Variants in FZD4 observed in about 807,000 individuals in gnomAD.
FZD4 encodes the protein frizzled class receptor 4.
Under a neutral mutation model 37.3 loss-of-function variants are expected in FZD4, and 16 were observed. The observed-to-expected ratio is 0.43, with a 90% CI of 0.29 to 0.65. The LOEUF (loss-of-function observed/expected upper bound fraction) is 0.65, where lower values mean the gene tolerates loss of function less well. Among genes scored for constraint, FZD4 ranks in the 30% least tolerant of loss-of-function variants. The probability of loss-of-function intolerance (pLI) is 0.16; values close to 1 mark genes in which losing one functional copy is unlikely to be tolerated. For missense variants in FZD4, 599 were observed against 674.3 expected (o/e 0.89, Z 1.24); for synonymous variants, 246 against 254.8 (o/e 0.97, Z 0.33).
rs186424870 is a variant in FZD4, at chr11:86,948,065, A to C, written c.*3077T>G. 6.6e-6 allele frequency: 1 copy of C among 152,326 alleles called. No homozygotes were observed. The highest frequency in any genetic ancestry group is 6.5e-5 in the Admixed American group (1 of 15,294). The allele number at this position is 152,326 out of a possible 1,614,324, so 9.4% of individuals were successfully genotyped here. ...TGTGGCCTACTCTCATAGTCTTCCT[A>C]AGGGATTTCTCCAGAGACTGTCACG... On this transcript the variant is annotated 3_prime_UTR_variant, in exon 2 of 2. Coordinates refer to ENST00000531380, the MANE Select transcript of FZD4 (RefSeq NM_012193.4).
rs1193113090 is a variant in FZD4 at position 86,945,773 on chromosome 11, C to A, written c.*5369G>T. On this transcript the variant is annotated 3_prime_UTR_variant, in exon 2 of 2. Coordinates refer to ENST00000531380, the MANE Select transcript of FZD4 (RefSeq NM_012193.4). The stretch of plus-strand genomic sequence containing the variant: ...AATTAGAAATTTACAGTACAGACAT[C>A]GATGCAGACATACTTTTGTACATCC... The A allele has an allele frequency of 6.6e-6, 1 of 152,606 alleles. No homozygotes were observed. Among genetic ancestry groups the A allele is most frequent in the Non-Finnish European group, 1.5e-5 (1 of 68,036 alleles). The allele number at this position is 152,606 out of a possible 1,614,324, so 9.5% of individuals were successfully genotyped here. A position where few individuals can be genotyped will look rare whatever the true frequency, so the allele number is the denominator to read the frequency against.
chr11:86,953,877 A>C (rs1002686280), intron 1 of FZD4, among the ~76,000 whole-genome samples: 4 of 152,126 alleles, frequency 2.6e-5, no homozygotes, highest in Admixed American at 1.3e-4. Context: ...GGCCTCCCAA[A>C]GTGCTGGGAT....
rs1433988298 is a variant in FZD4 at position 86,952,488 on chromosome 11, T to C, written c.286-18A>G. On this transcript the variant is annotated intron_variant, in intron 1 of 1. Transcript: ENST00000531380. Reference sequence around the variant, plus strand: ...AGGAAGAACTGGAAAAGTAACAAAATGAACACACACAAAAAAAACAATGAC... The same window carrying C: ...AGGAAGAACTGGAAAAGTAACAAAACGAACACACACAAAAAAAACAATGAC... The C allele has an allele frequency of 6.2e-7, 1 of 1,608,858 alleles. No individual in the cohort carries two copies. The highest frequency in any genetic ancestry group is 8.5e-7 in the Non-Finnish European group (1 of 1,179,844).
In FZD4 at chr11:86,947,124, A is replaced by G. The variant is rs749571309; in HGVS notation, c.*4018T>C. 48 of 155,432 alleles carry G rather than the reference A, an allele frequency of 3.1e-4. No individual in the cohort carries two copies. The highest frequency in any genetic ancestry group is 5.4e-4 in the Non-Finnish European group (38 of 70,234). 9.6% of individuals were successfully genotyped at this position (155,432 alleles called of 1,614,324 possible). On this transcript the variant is annotated 3_prime_UTR_variant, in exon 2 of 2. Coordinates refer to ENST00000531380, the MANE Select transcript of FZD4 (RefSeq NM_012193.4). ...AGGCTGTGGCAGGAGAATCACTTGA[A>G]CCCAGGAGGCAGAGGTTGCAGTGAG...
rs1211629999 is a variant in FZD4, at chr11:86,954,243, A to C, written c.285+558T>G. The C allele has an allele frequency of 1.3e-5, 13 of 985,090 alleles. No individual in the cohort carries two copies. The African/African-American group carries it at 2.3e-4, about 17-fold the overall frequency. The allele number at this position is 985,090 out of a possible 1,614,324, so 61.0% of individuals were successfully genotyped here. A position where few individuals can be genotyped will look rare whatever the true frequency, so the allele number is the denominator to read the frequency against. On this transcript the variant is annotated intron_variant, in intron 1 of 1. Transcript: ENST00000531380. ...AGCTTCTTCTCACCCTCCAAGCATT[A>C]AACGTGCCTTCAACTGTGAGGATAA... is the stretch of plus-strand genomic sequence containing the variant.
At position 86,951,862 on chromosome 11, in the gene FZD4, C is replaced by T; in HGVS notation, c.894G>A (p.Lys298=). 1 of 1,613,590 alleles carries T rather than the reference C, an allele frequency of 6.2e-7. No homozygotes were observed. ...AEPVLIQEGL[K]NTGCAIIFLL... ...AGAAAATTATTGCACATCCTGTGTT[C>T]TTAAGTCCTTCTTGGATGAGAACAG... is the stretch of plus-strand genomic sequence containing the variant. Residue 298 remains lysine, a synonymous_variant, in exon 2 of 2, where the codon AAG becomes AAA. Transcript: ENST00000531380.
chr11:86,951,930 C>T lies in FZD4; in HGVS notation c.826G>A (p.Gly276Ser). ...SIAYIVRLTV[G>S]RERISCDFEE... ...AAATCACAGGATATCCTTTCCCGGCCTACAGTCAGCCTGACAATATAAGCA... is the reference window on the plus strand; with the variant it reads ...AAATCACAGGATATCCTTTCCCGGCTTACAGTCAGCCTGACAATATAAGCA... Residue 276 changes from glycine (G) to serine (S), a missense_variant, in exon 2 of 2, where the codon GGC becomes AGC. Gly to Ser is a moderately conservative substitution (Grantham distance 56). Around this residue, in one of 3 missense-constraint regions of FZD4, gnomAD observed 357 missense variants for 396.1 expected, o/e 0.90. Coordinates refer to ENST00000531380, the MANE Select transcript of FZD4 (RefSeq NM_012193.4). 6.2e-7 allele frequency: 1 copy of T among 1,613,938 alleles called. No homozygotes were observed. Among genetic ancestry groups the T allele is most frequent in the Non-Finnish European group, 8.5e-7 (1 of 1,179,940 alleles).
Position 86,955,278 on chromosome 11 carries a change from G to T in FZD4, c.-193C>A, listed in dbSNP as rs1289947387. Reference sequence around the variant, plus strand: ...TGGGATTTTAGACGTCCCGGGCCGAGGCCGAGGGACAGGCTGCGAGGGTCA... The same window carrying T: ...TGGGATTTTAGACGTCCCGGGCCGATGCCGAGGGACAGGCTGCGAGGGTCA... On this transcript the variant is annotated 5_prime_UTR_variant, in exon 1 of 2. Coordinates refer to ENST00000531380, the MANE Select transcript of FZD4 (RefSeq NM_012193.4). 1.0e-4 allele frequency: 50 copies of T among 478,048 alleles called. No homozygotes were observed. The Admixed American group carries it at 2.1e-3, about 20-fold the overall frequency. 29.6% of individuals were successfully genotyped at this position (478,048 alleles called of 1,614,324 possible).
chr11:86,952,519 A>G (rs777762460), intron 1 of FZD4, 49 bp from the exon 2 acceptor site: 1 of 1,597,358 alleles, frequency 6.3e-7, no homozygotes, highest in East Asian at 2.2e-5. Context: ...ATGACTTGGA[A>G]GTTTGACCAA....
chr11:86,951,162 C>T lies in FZD4; in HGVS notation c.1594G>A (p.Gly532Ser), dbSNP rs1036091905. ...TAGCCTTATACCACAGTCTCACTGC[C>T]TTTTCCAGGCTTCACCCAACCATTT... ...RGNGWVKPGK[G>S]SETVV is the part of the protein sequence containing the mutation. The change falls in exon 2 of 2, where the codon GGC (glycine) becomes AGC (serine). Residue 532 changes from glycine (G) to serine (S), a missense_variant. Coordinates refer to ENST00000531380, the MANE Select transcript of FZD4 (RefSeq NM_012193.4). 1.4e-5 allele frequency: 23 copies of T among 1,613,972 alleles called. No homozygotes were observed. The highest frequency in any genetic ancestry group is 1.9e-5 in the Non-Finnish European group (22 of 1,179,936).
In FZD4 at chr11:86,951,255, G is replaced by C. The variant is rs1193072341; in HGVS notation, c.1501C>G (p.Leu501Val). The change falls in exon 2 of 2, where the codon CTT becomes GTT. Residue 501 changes from leucine to valine, a missense_variant. By Grantham distance (32) the Leu-to-Val change is conservative. Around this residue, in one of 3 missense-constraint regions of FZD4, gnomAD observed 203 missense variants for 196.8 expected, o/e 1.03. Coordinates refer to ENST00000531380, the MANE Select transcript of FZD4 (RefSeq NM_012193.4). ...SGMWIWSAKT[L>V]HTWQKCSNRL... is the part of the protein sequence containing the mutation. ...TTGGAACACTTCTGCCACGTGTGAA[G>C]AGTTTTGGCAGACCAAATCCACATG... 8 of 1,614,136 alleles carry C rather than the reference G, an allele frequency of 5.0e-6. No individual in the cohort carries two copies. Among genetic ancestry groups the C allele is most frequent in the Non-Finnish European group, 6.8e-6 (8 of 1,180,018 alleles).
At chr11:86,953,002 G>A (rs1033954171) in intron 1 of FZD4, 4 of 154,246 alleles carry the variant, frequency 2.6e-5, no homozygotes, top group South Asian at 2.0e-4. Context: ...TGGCCCAAAT[G>A]AGACACTGTT....
chr11:86,947,442 T>C lies in FZD4; in HGVS notation c.*3700A>G, dbSNP rs115341334. The C allele has an allele frequency of 0.016, 2,458 of 152,258 alleles. 25 individuals are homozygous for C. The highest frequency in any genetic ancestry group is 0.027 in the South Asian group (128 of 4,828). The allele number at this position is 152,258 out of a possible 1,614,324, so 9.4% of individuals were successfully genotyped here. A position where few individuals can be genotyped will look rare whatever the true frequency, so the allele number is the denominator to read the frequency against. ...CAATAAGCATTTAATTCAGTGACCATGAGGATGAGGGGAGCCAGAGAGTAT... is the reference window on the plus strand; with the variant it reads ...CAATAAGCATTTAATTCAGTGACCACGAGGATGAGGGGAGCCAGAGAGTAT... On this transcript the variant is annotated 3_prime_UTR_variant, in exon 2 of 2. Transcript: ENST00000531380.
intron 1 of FZD4, 98 bp from the exon 2 acceptor site, chr11:86,952,568 C>G (rs2135042244): frequency 2.2e-6 from 3 of 1,355,656 alleles, no homozygotes; most frequent in Non-Finnish European, 3.1e-6. Context: ...TCCAGGCAAT[C>G]TAGGTATCTA....
At position 86,955,281 on chromosome 11, in the gene FZD4, C is replaced by T. The variant is rs886823923; in HGVS notation, c.-196G>A. 3.0e-5 allele frequency: 14 copies of T among 468,666 alleles called. No homozygotes were observed. The highest frequency in any genetic ancestry group is 2.7e-4 in the African/African-American group (13 of 48,722). 29.0% of individuals were successfully genotyped at this position (468,666 alleles called of 1,614,324 possible). A position where few individuals can be genotyped will look rare whatever the true frequency, so the allele number is the denominator to read the frequency against. ...GATTTTAGACGTCCCGGGCCGAGGCCGAGGGACAGGCTGCGAGGGTCATGG... is the reference window on the plus strand; with the variant it reads ...GATTTTAGACGTCCCGGGCCGAGGCTGAGGGACAGGCTGCGAGGGTCATGG... On this transcript the variant is annotated 5_prime_UTR_variant, in exon 1 of 2. Coordinates refer to ENST00000531380, the MANE Select transcript of FZD4 (RefSeq NM_012193.4).
chr11:86,954,729 G>T, intron 1 of FZD4, 72 bp downstream of exon 1: 1 of 1,518,200 alleles, frequency 6.6e-7, no homozygotes, highest in South Asian at 1.3e-5. Context: ...AACTTGGCAT[G>T]GGCTCTGCAA....
chr11:86,948,560 C>T lies in FZD4; in HGVS notation c.*2582G>A, dbSNP rs1949263593. 1 of 152,104 alleles carries T rather than the reference C, an allele frequency of 6.6e-6. No homozygotes were observed. Among genetic ancestry groups the T allele is most frequent in the Non-Finnish European group, 1.5e-5 (1 of 68,012 alleles). The allele number at this position is 152,104 out of a possible 1,614,324, so 9.4% of individuals were successfully genotyped here. On this transcript the variant is annotated 3_prime_UTR_variant, in exon 2 of 2. Transcript: ENST00000531380. ...CTGTAGCATTGCTAAGGCTACTAAT[C>T]CAAATGGCCACTTCTGATCAAATAC... is the stretch of plus-strand genomic sequence containing the variant.
rs893760028 is a variant in FZD4, at chr11:86,950,585, T to C, written c.*557A>G. ...CTAACACCACTTCTTGGGAGTGCAG[T>C]CCACAAAGTTCTAAACAGCAGACAG... is the stretch of plus-strand genomic sequence containing the variant. On this transcript the variant is annotated 3_prime_UTR_variant, in exon 2 of 2. Transcript: ENST00000531380. 1 of 169,486 alleles carries C rather than the reference T, an allele frequency of 5.9e-6. No individual in the cohort carries two copies. Among genetic ancestry groups the C allele is most frequent in the Non-Finnish European group, 1.3e-5 (1 of 76,866 alleles). The allele number at this position is 169,486 out of a possible 1,614,324, so 10.5% of individuals were successfully genotyped here.
rs1949295303 is a variant in FZD4, at chr11:86,951,859, GTTC to G, written c.894_896del (p.Lys298del). 3 of 1,613,648 alleles carry G rather than the reference GTTC, an allele frequency of 1.9e-6. No individual in the cohort carries two copies. The highest frequency in any genetic ancestry group is 2.5e-6 in the Non-Finnish European group (3 of 1,180,034). ...GCAAGAAAATTATTGCACATCCTGT[GTTC>G]TTAAGTCCTTCTTGGATGAGAACAG... On this transcript the variant is annotated inframe_deletion, in exon 2 of 2. Transcript: ENST00000531380.
Sources: allele counts gnomAD v4.1 joint callset (sites outside exome capture counted in the v4.1 genomes callset), GRCh38; gene constraint gnomAD v4.1.1; regional missense constraint gnomAD v4.1.1; transcripts MANE v1.5; gene names NCBI Gene and HGNC (gene_info 2026-07-23, HGNC 2026-07-21).